The following CELF4 variants were observed in gnomAD, a reference collection of about 807,000 sequenced individuals.
CELF4 encodes the protein CUG-BP- and ETR-3-like factor 4.
Under a neutral mutation model 59.9 loss-of-function variants are expected in CELF4, and 18 were observed. The observed-to-expected ratio is 0.30, with a 90% CI of 0.21 to 0.45. The LOEUF (loss-of-function observed/expected upper bound fraction) is 0.45. CELF4 is among the 20% of genes least tolerant of loss of function. CELF4 has a pLI of 1.00. For synonymous variants in CELF4, 261 were observed against 267.1 expected, an observed-to-expected ratio of 0.98 and a Z score of 0.22; for missense variants, 456 against 689.0, an observed-to-expected ratio of 0.66 and a Z score of 3.79.
At chr18:37,386,251 C>T (rs1283169578) in intron 2 of CELF4, among the ~76,000 whole-genome samples, 2 of 152,148 alleles carry the variant, frequency 1.3e-5, no homozygotes, top group Non-Finnish European at 2.9e-5. Flanking sequence ...TTGAAATAAA[C>T]AGTGTTCTGG....
chr18:37,555,160 A>T (rs983444439), intron 1 of CELF4, among the ~76,000 whole-genome samples: 1 of 152,182 alleles, frequency 6.6e-6, no homozygotes, highest in South Asian at 2.1e-4. Flanking sequence ...CTTCAGGCTC[A>T]TGCCACCCCT....
chr18:37,444,760 G>T (rs1055862339), intron 2 of CELF4, among the ~76,000 whole-genome samples: 2 of 152,090 alleles, frequency 1.3e-5, no homozygotes, highest in African/African-American at 4.8e-5. Context: ...GCCCCGACAG[G>T]CTCAGGAGGG....
intron 2 of CELF4, among the ~76,000 whole-genome samples, chr18:37,371,100 C>G (rs1041477803): frequency 3.3e-5 from 5 of 152,142 alleles, no homozygotes; most frequent in Non-Finnish European, 5.9e-5. Flanking sequence ...CTTAGAAAGA[C>G]CCCATATTTC....
In CELF4 at chr18:37,271,117, G is replaced by C. The variant is rs190255363; in HGVS notation, c.950-200C>G. Among the ~76,000 whole-genome samples the C allele has an allele frequency of 3.3e-5, 5 of 152,278 alleles. No homozygotes were observed. The East Asian group carries it at 9.7e-4, about 29-fold the overall frequency. On this transcript the variant is annotated intron_variant, in intron 7 of 12. Coordinates refer to ENST00000420428, the MANE Select transcript of CELF4 (RefSeq NM_020180.4). ...TGAAGTGACTTCACCTATCCCAATT[G>C]TATCTATCCTTCAAGGCAGACTCCA...
chr18:37,423,357 G>A (rs2099592141), intron 2 of CELF4, among the ~76,000 whole-genome samples: 2 of 152,160 alleles, frequency 1.3e-5, no homozygotes, highest in South Asian at 2.1e-4. Context: ...CTGACTCCTC[G>A]GGGGACTGGC....
At chr18:37,408,504 C>A (rs2155955) in intron 2 of CELF4, among the ~76,000 whole-genome samples, 2,499 of 45,026 alleles carry the variant, frequency 0.056, 145 homozygotes, top group African/African-American at 0.17. Context: ...GGGGGGGGCG[C>A]GGTGCAGGAG....
At chr18:37,546,774 A>G (rs1263793950) in intron 1 of CELF4, among the ~76,000 whole-genome samples, 2 of 152,192 alleles carry the variant, frequency 1.3e-5, no homozygotes, top group Non-Finnish European at 2.9e-5. Context: ...ATGAATCTAC[A>G]TGGCACACCT....
chr18:37,264,324 G>A (rs1047540290), intron 10 of CELF4, among the ~76,000 whole-genome samples: 1 of 152,234 alleles, frequency 6.6e-6, no homozygotes, highest in African/African-American at 2.4e-5. Context: ...GGTTCTCATA[G>A]ACCAAGGTTT....
intron 2 of CELF4, among the ~76,000 whole-genome samples, chr18:37,394,047 C>T (rs937980637): frequency 6.6e-6 from 1 of 152,066 alleles, no homozygotes; most frequent in African/African-American, 2.4e-5. Flanking sequence ...AGGGCGCGCG[C>T]GACAACTGGC....
chr18:37,284,628 G>A (rs2094551607), intron 3 of CELF4, among the ~76,000 whole-genome samples: 1 of 152,156 alleles, frequency 6.6e-6, no homozygotes, highest in African/African-American at 2.4e-5. Flanking sequence ...GCTCAGCCCA[G>A]TCAACGCCAC....
chr18:37,513,924 T>C (rs1386613332), intron 1 of CELF4, among the ~76,000 whole-genome samples: 1 of 150,210 alleles, frequency 6.7e-6, no homozygotes, highest in Non-Finnish European at 1.5e-5. Flanking sequence ...TTGTCCCTCT[T>C]CCCTTCTGTG....
intron 2 of CELF4, among the ~76,000 whole-genome samples, chr18:37,416,963 A>G (rs2154593103): frequency 6.6e-6 from 1 of 152,264 alleles, no homozygotes; most frequent in Non-Finnish European, 1.5e-5. Context: ...GAAGGAGGAC[A>G]AGAAGAAATG....
chr18:37,554,975 C>T (rs1174641609), intron 1 of CELF4, among the ~76,000 whole-genome samples: 1 of 152,218 alleles, frequency 6.6e-6, no homozygotes, highest in East Asian at 1.9e-4. Context: ...TCCCACCCTA[C>T]CAGCAATGCT....
At chr18:37,360,806 C>G (rs919155624) in intron 2 of CELF4, among the ~76,000 whole-genome samples, 3 of 152,206 alleles carry the variant, frequency 2.0e-5, no homozygotes, top group Non-Finnish European at 2.9e-5. Context: ...GGATTTGTAG[C>G]CAGACACGCC....
intron 9 of CELF4, 22 bp from the exon 10 acceptor site, chr18:37,264,779 C>G (rs1240521583): frequency 1.9e-6 from 3 of 1,547,550 alleles, no homozygotes; most frequent in Non-Finnish European, 1.8e-6. Flanking sequence ...AGACAAGAAG[C>G]AAGAGCCGGC....
chr18:37,249,601 G>GC (rs901346550), intron 12 of CELF4, among the ~76,000 whole-genome samples: 2 of 152,208 alleles, frequency 1.3e-5, no homozygotes, highest in African/African-American at 4.8e-5. Context: ...TCCCTGAGGA[G>GC]CCCCCAAGAC....
At chr18:37,314,073 CACCCTGCCCAGGT>C (rs1320240941) in intron 3 of CELF4, among the ~76,000 whole-genome samples, 3 of 152,220 alleles carry the variant, frequency 2.0e-5, no homozygotes, top group African/African-American at 7.2e-5. Context: ...ATGCCTTCCT[CACCCTGCCCAGGT>C]ACCACCAGAG....
chr18:37,344,014 C>A (rs1422073628), intron 2 of CELF4, among the ~76,000 whole-genome samples: 1 of 152,214 alleles, frequency 6.6e-6, no homozygotes, highest in African/African-American at 2.4e-5. Context: ...GCCCCTTCTC[C>A]AGGAAGCCCA....
intron 11 of CELF4, among the ~76,000 whole-genome samples, chr18:37,255,795 C>G (rs1040829599): frequency 1.3e-5 from 2 of 152,114 alleles, no homozygotes; most frequent in Non-Finnish European, 2.9e-5. Context: ...CCTCATTCTT[C>G]TCATCATCCA....
Sources: allele counts gnomAD v4.1 joint callset (sites outside exome capture counted in the v4.1 genomes callset), GRCh38; gene constraint gnomAD v4.1.1; transcripts MANE v1.5; gene names NCBI Gene and HGNC (gene_info 2026-07-23, HGNC 2026-07-21).